The following CNTNAP2 variants were observed in gnomAD, a reference collection of about 807,000 sequenced individuals.
CNTNAP2 encodes contactin-associated protein-like 2.
Under a neutral mutation model 155.2 loss-of-function variants are expected in CNTNAP2, and 98 were observed. The observed-to-expected ratio is 0.63, with a 90% CI of 0.54 to 0.75. CNTNAP2 has a LOEUF of 0.75. CNTNAP2 is among the 30% of genes least tolerant of loss of function. The pLI is 0.00. For missense variants in CNTNAP2, 1,727 were observed against 1,688.1 expected, an observed-to-expected ratio of 1.02 and a Z score of -0.40; for synonymous variants, 651 against 631.2, an observed-to-expected ratio of 1.03 and a Z score of -0.47.
intron 19 of CNTNAP2, among the ~76,000 whole-genome samples, chr7:148,220,131 C>A (rs1006837569): frequency 2.0e-5 from 3 of 152,372 alleles, no homozygotes; most frequent in South Asian, 2.1e-4. Flanking sequence ...GAGACGGAGT[C>A]TCGCTCTGTC....
intron 1 of CNTNAP2, among the ~76,000 whole-genome samples, chr7:146,332,818 A>T (rs1472301584): frequency 6.6e-6 from 1 of 152,068 alleles, no homozygotes; most frequent in Non-Finnish European, 1.5e-5. Flanking sequence ...CTTGTGAAAC[A>T]TATCCCTAAC....
chr7:146,191,513 A>C (rs950335011), intron 1 of CNTNAP2, among the ~76,000 whole-genome samples: 2 of 152,178 alleles, frequency 1.3e-5, no homozygotes, highest in Non-Finnish European at 2.9e-5. Context: ...AGCCGGTCTG[A>C]GTAAAATTTG....
chr7:147,984,838 G>T (rs908035737), intron 15 of CNTNAP2, among the ~76,000 whole-genome samples: 1 of 152,102 alleles, frequency 6.6e-6, no homozygotes, highest in Non-Finnish European at 1.5e-5. Flanking sequence ...TTACTGGCTG[G>T]GCGCAGTGGT....
intron 8 of CNTNAP2, among the ~76,000 whole-genome samples, chr7:147,294,582 A>G (rs1037622744): frequency 2.6e-5 from 4 of 152,202 alleles, no homozygotes; most frequent in African/African-American, 9.6e-5. Flanking sequence ...GTAAAGACTT[A>G]CTGCATTGCT....
At chr7:147,120,886 C>T (rs1801096878) in intron 5 of CNTNAP2, 93 bp from the exon 6 acceptor site, 1 of 1,159,468 alleles carries the variant, frequency 8.6e-7, no homozygotes, top group South Asian at 1.2e-5. Context: ...GATGGAATGT[C>T]AGCCTCTAGG....
At chr7:147,934,076 T>A (rs77728590) in intron 14 of CNTNAP2, among the ~76,000 whole-genome samples, 8,648 of 152,248 alleles carry the variant, frequency 0.057, 300 homozygotes, top group South Asian at 0.13. Flanking sequence ...ATACGGGGAC[T>A]TGCTATTCAA....
intron 1 of CNTNAP2, among the ~76,000 whole-genome samples, chr7:146,646,950 A>G (rs1201175337): frequency 6.6e-6 from 1 of 152,138 alleles, no homozygotes; most frequent in Non-Finnish European, 1.5e-5. Flanking sequence ...ATCCTAGAAC[A>G]CCCTGGAGAG....
intron 21 of CNTNAP2, among the ~76,000 whole-genome samples, chr7:148,352,427 G>C (rs1798442638): frequency 6.6e-6 from 1 of 152,182 alleles, no homozygotes; most frequent in African/African-American, 2.4e-5. Context: ...TAAAATACAG[G>C]GACAGCCTTT....
At chr7:148,249,220 C>T (rs1201247316) in intron 20 of CNTNAP2, among the ~76,000 whole-genome samples, 1 of 152,188 alleles carries the variant, frequency 6.6e-6, no homozygotes, top group Non-Finnish European at 1.5e-5. Context: ...CTTATGGATA[C>T]TATCAATGAC....
chr7:146,574,902 C>T (rs1474313192), intron 1 of CNTNAP2, among the ~76,000 whole-genome samples: 1 of 152,100 alleles, frequency 6.6e-6, no homozygotes, highest in Non-Finnish European at 1.5e-5. Context: ...GGTGGCTACC[C>T]GTGGGCTCCA....
Position 147,240,564 on chromosome 7 carries a change from C to T in CNTNAP2, c.1349-59577C>T, listed in dbSNP as rs143673721. Among the ~76,000 whole-genome samples, 19 of 152,300 alleles carry T rather than the reference C, an allele frequency of 1.2e-4. No individual in the cohort carries two copies. In the East Asian group the frequency reaches 3.7e-3, roughly 29 times the overall value. ...ACTTACTGTGATTTCACATTACCTACGTTTGACTCAGCTGTCTATCTCCAT... is the reference window on the plus strand; with the variant it reads ...ACTTACTGTGATTTCACATTACCTATGTTTGACTCAGCTGTCTATCTCCAT... On this transcript the variant is annotated intron_variant, in intron 8 of 23. Transcript: ENST00000361727.
intron 1 of CNTNAP2, among the ~76,000 whole-genome samples, chr7:146,291,381 A>C (rs1206577270): frequency 6.6e-6 from 1 of 152,194 alleles, no homozygotes; most frequent in Admixed American, 6.5e-5. Context: ...ATAATATTTC[A>C]TGGTGCATGA....
chr7:148,134,708 T>C (rs1804902044), intron 16 of CNTNAP2, among the ~76,000 whole-genome samples: 1 of 152,208 alleles, frequency 6.6e-6, no homozygotes, highest in South Asian at 2.1e-4. Flanking sequence ...AGTTACAGAA[T>C]AGAGTTGCTT....
intron 1 of CNTNAP2, among the ~76,000 whole-genome samples, chr7:146,336,735 G>C (rs1801282842): frequency 6.6e-6 from 1 of 152,156 alleles, no homozygotes; most frequent in African/African-American, 2.4e-5. Context: ...TCTATATCAT[G>C]AAATACTGCT....
chr7:147,801,309 G>GTTGT (rs1797978811), intron 13 of CNTNAP2, among the ~76,000 whole-genome samples: 1 of 130,392 alleles, frequency 7.7e-6, no homozygotes, highest in African/African-American at 2.8e-5. Context: ...CTTCTATGAA[G>GTTGT]TTTTTTTTTT....
At position 148,171,649 on chromosome 7, in the gene CNTNAP2, G is replaced by A. The variant is rs146032902; in HGVS notation, c.2774-593G>A. Among the ~76,000 whole-genome samples the A allele has an allele frequency of 3.2e-3, 489 of 152,256 alleles. 6 individuals are homozygous for A. The highest frequency in any genetic ancestry group is 3.1e-3 in the Non-Finnish European group (213 of 68,034). ...AAGCAATGAAATCTGATCTAACCTA[G>A]CAATAAATGTGGTATAGCTGATTTC... On this transcript the variant is annotated intron_variant, in intron 17 of 23. Coordinates refer to ENST00000361727, the MANE Select transcript of CNTNAP2 (RefSeq NM_014141.6).
Position 147,583,503 on chromosome 7 carries a change from CATATATAT to C in CNTNAP2, c.1897+21268_1897+21275del, listed in dbSNP as rs71183019. On this transcript the variant is annotated intron_variant, in intron 12 of 23. Transcript: ENST00000361727. ...TTATATATATATATAAAAGACATGA[CATATATAT>C]ATATATATATATATATATATAATGT... Among the ~76,000 whole-genome samples the C allele has an allele frequency of 6.3e-3, 813 of 129,138 alleles. 8 individuals are homozygous for C. Among genetic ancestry groups the C allele is most frequent in the African/African-American group, 0.023 (748 of 33,204 alleles). The allele number at this position is 129,138 out of a possible 152,430, so 84.7% of individuals were successfully genotyped here. A position where few individuals can be genotyped will look rare whatever the true frequency, so the allele number is the denominator to read the frequency against.
At chr7:147,495,659 G>C (rs1798692946) in intron 11 of CNTNAP2, among the ~76,000 whole-genome samples, 2 of 152,198 alleles carry the variant, frequency 1.3e-5, no homozygotes. Flanking sequence ...GTGCAGATTT[G>C]AATCATGGGT....
chr7:147,791,303 T>C (rs1209692298), intron 13 of CNTNAP2, among the ~76,000 whole-genome samples: 1 of 152,166 alleles, frequency 6.6e-6, no homozygotes, highest in Non-Finnish European at 1.5e-5. Context: ...ACCTCCATTG[T>C]CCTATAATAT....
Sources: gnomAD v4.1 joint callset for allele counts (sites outside exome capture counted in the v4.1 genomes callset) on GRCh38, gnomAD v4.1.1 for gene constraint, MANE v1.5 for transcripts, NCBI Gene and HGNC (gene_info 2026-07-23, HGNC 2026-07-21) for gene names.